The following ENO1 variants were observed in gnomAD, a reference collection of about 807,000 sequenced individuals.
ENO1 encodes the protein alpha-enolase.
In ENO1, 33 loss-of-function variants were observed where a neutral mutation model predicts 46.3. The observed-to-expected ratio is 0.71, with a 90% CI of 0.54 to 0.95. The LOEUF (loss-of-function observed/expected upper bound fraction) is 0.95. ENO1 is among the 40% of genes least tolerant of loss of function. The pLI, the probability that ENO1 is intolerant of heterozygous loss-of-function variation, is 0.00. For synonymous variants in ENO1, 220 were observed against 216.0 expected (o/e 1.02, Z -0.16); for missense variants, 488 against 553.3 (o/e 0.88, Z 1.18).
intron 3 of ENO1, 157 bp downstream of exon 3, chr1:8,871,733 CA>C: frequency 8.0e-7 from 1 of 1,253,248 alleles, no homozygotes; most frequent in East Asian, 2.5e-5. Context: ...TTCCTGTCCA[CA>C]AGGTGGTGCA....
intron 7 of ENO1, 54 bp downstream of exon 7, chr1:8,866,225 G>GC: frequency 7.1e-7 from 1 of 1,404,364 alleles, no homozygotes; most frequent in Admixed American, 1.8e-5. Context: ...CCCCCCAACA[G>GC]AGGGAGCTGG....
chr1:8,876,620 G>C (rs1213793082), intron 1 of ENO1, among the ~76,000 whole-genome samples: 1 of 152,006 alleles, frequency 6.6e-6, no homozygotes, highest in Non-Finnish European at 1.5e-5. Flanking sequence ...AGTCTTGGCC[G>C]GGCGCGGTGG....
chr1:8,865,134 A>C (rs1380447810), intron 8 of ENO1, 151 bp downstream of exon 8: 2 of 937,314 alleles, frequency 2.1e-6, no homozygotes, highest in Non-Finnish European at 3.2e-6. Context: ...AACTGGGGGC[A>C]AACCCAGTGG....
In ENO1 at chr1:8,867,235, T is replaced by C; in HGVS notation, c.326A>G (p.Asn109Ser). ...GTENKSKFGA[N>S]AILGVSLAVC... is the part of the protein sequence containing the mutation. Reference sequence around the variant, plus strand: ...GGCAAGGGACACCCCCAGAATGGCGTTCGCACCAAACTTAGCTAGAACAGA... The same window carrying C: ...GGCAAGGGACACCCCCAGAATGGCGCTCGCACCAAACTTAGCTAGAACAGA... The change falls in exon 6 of 12, where the codon AAC becomes AGC. Residue 109 changes from asparagine (N) to serine (S), a missense_variant. Coordinates refer to ENST00000234590, the MANE Select transcript of ENO1 (RefSeq NM_001428.5). 2 of 1,614,140 alleles carry C rather than the reference T, an allele frequency of 1.2e-6. No homozygotes were observed. The highest frequency in any genetic ancestry group is 1.7e-6 in the Non-Finnish European group (2 of 1,180,022).
rs1304556803 is a variant in ENO1 at position 8,863,295 on chromosome 1, A to G, written c.1116T>C (p.Arg372=). Residue 372 remains arginine, a synonymous_variant, in exon 10 of 12, where the codon CGT becomes CGC. Coordinates refer to ENST00000234590, the MANE Select transcript of ENO1 (RefSeq NM_001428.5). ...ANGWGVMVSH[R]SGETEDTFIA... The stretch of plus-strand genomic sequence containing the variant: ...TGAAGGTATCTTCAGTCTCCCCCGA[A>G]CGATGAGACACCATGACGCCCCAAC... 1 of 1,614,084 alleles carries G rather than the reference A, an allele frequency of 6.2e-7. No individual in the cohort carries two copies. Among genetic ancestry groups the G allele is most frequent in the East Asian group, 2.2e-5 (1 of 44,894 alleles).
chr1:8,870,311 G>A (rs1226015797), intron 4 of ENO1, 141 bp downstream of exon 4: 7 of 1,071,096 alleles, frequency 6.5e-6, no homozygotes, highest in Admixed American at 5.0e-5. Flanking sequence ...TGTCATGCAT[G>A]GATTGTTCTC....
chr1:8,863,406 C>T (rs1642445695), intron 9 of ENO1, 63 bp from the exon 10 acceptor site: 2 of 1,495,156 alleles, frequency 1.3e-6, no homozygotes, highest in East Asian at 2.3e-5. Flanking sequence ...ACCCCCAATG[C>T]CATTACCCCT....
intron 4 of ENO1, 141 bp downstream of exon 4, chr1:8,870,306 TGCATG>T (rs1642602952): frequency 9.8e-7 from 1 of 1,024,782 alleles, no homozygotes; most frequent in African/African-American, 1.6e-5. Flanking sequence ...AATTATGTCA[TGCATG>T]GATTGTTCTC....
intron 8 of ENO1, 88 bp downstream of exon 8, chr1:8,865,197 T>C (rs1396869841): frequency 6.6e-7 from 1 of 1,519,706 alleles, no homozygotes; most frequent in African/African-American, 1.4e-5. Context: ...ATCCCCTCCT[T>C]GCAGCCATCA....
chr1:8,878,231 AAAGC>A lies in ENO1; in HGVS notation c.-10+345_-10+348del, dbSNP rs1642778066. 3 of 199,174 alleles carry A rather than the reference AAAGC, an allele frequency of 1.5e-5. No individual in the cohort carries two copies. The South Asian group carries it at 2.2e-4, about 15-fold the overall frequency. 12.3% of individuals were successfully genotyped at this position (199,174 alleles called of 1,614,324 possible). A position where few individuals can be genotyped will look rare whatever the true frequency, so the allele number is the denominator to read the frequency against. ...AAACCTTACACTTGGCTACGATGGA[AAAGC>A]AACTTCCACTCCCAACTCCCGCTGT... On this transcript the variant is annotated intron_variant, in intron 1 of 11. Transcript: ENST00000234590.
At chr1:8,871,749 T>G in intron 3 of ENO1, 142 bp downstream of exon 3, 1 of 1,258,770 alleles carries the variant, frequency 7.9e-7, no homozygotes, top group South Asian at 1.4e-5. Context: ...GGTGCACTGC[T>G]TCCATCAACA....
rs1321599224 is a variant in ENO1 at position 8,865,339 on chromosome 1, T to C, written c.811A>G (p.Ile271Val). The C allele has an allele frequency of 1.2e-6, 2 of 1,614,238 alleles. No homozygotes were observed. Among genetic ancestry groups the C allele is most frequent in the East Asian group, 2.2e-5 (1 of 44,890 alleles). The change falls in exon 8 of 12, where the codon ATC becomes GTC. Residue 271 changes from isoleucine (I) to valine (V), a missense_variant. Coordinates refer to ENST00000234590, the MANE Select transcript of ENO1 (RefSeq NM_001428.5). ...AGGTCAGCCAGCTGGTCAGGCGAGA[T>C]GTACCTGCTGGGGTCATCGGGAGAC... ...FKSPDDPSRYISPDQLADLYK... is the reference protein window; with the variant it reads ...FKSPDDPSRYVSPDQLADLYK...
chr1:8,867,958 C>T (rs28999079), intron 5 of ENO1, 30 bp downstream of exon 5: 1 of 1,602,444 alleles, frequency 6.2e-7, no homozygotes, highest in Non-Finnish European at 8.5e-7. Context: ...ATGATCTTCC[C>T]CAGTAAAGAC....
chr1:8,871,194 C>G, intron 3 of ENO1: 1 of 1,068,888 alleles, frequency 9.4e-7, no homozygotes, highest in Non-Finnish European at 1.1e-6. Context: ...ACTGCGACAC[C>G]AGCCCAGTGT....
In ENO1 at chr1:8,863,912, G is replaced by A; in HGVS notation, c.1046C>T (p.Ser349Phe). The stretch of plus-strand genomic sequence containing the variant: ...TTACGCCTGAAGAGACTCGGTCACG[G>A]AGCCAATCTGGTTGACTTTGAGCAG... The part of the protein sequence containing the change: ...CLLLKVNQIG[S>F]VTESLQACKL... Residue 349 changes from serine to phenylalanine, a missense_variant, in exon 9 of 12, where the codon TCC (serine) becomes TTC (phenylalanine). By Grantham distance (155) the Ser-to-Phe change is radical. Coordinates refer to ENST00000234590, the MANE Select transcript of ENO1 (RefSeq NM_001428.5). 2 of 1,614,134 alleles carry A rather than the reference G, an allele frequency of 1.2e-6. No homozygotes were observed. The highest frequency in any genetic ancestry group is 1.7e-6 in the Non-Finnish European group (2 of 1,180,020).
intron 2 of ENO1, among the ~76,000 whole-genome samples, chr1:8,872,627 C>T (rs943696608): frequency 6.6e-6 from 1 of 152,114 alleles, no homozygotes; most frequent in African/African-American, 2.4e-5. Context: ...AGGTGATCTG[C>T]CCACCTCGGC....
intron 2 of ENO1, among the ~76,000 whole-genome samples, chr1:8,872,634 C>T (rs755564584): frequency 2.6e-4 from 40 of 152,092 alleles, no homozygotes; most frequent in South Asian, 1.5e-3. Context: ...CTGCCCACCT[C>T]GGCCTCCCAA....
intron 1 of ENO1, among the ~76,000 whole-genome samples, chr1:8,876,574 C>A (rs1344780981): frequency 1.3e-5 from 2 of 152,094 alleles, no homozygotes; most frequent in African/African-American, 4.8e-5. Flanking sequence ...TGCCTCAGTA[C>A]TTTTGTTTTC....
chr1:8,871,124 G>A, intron 3 of ENO1: 1 of 1,175,900 alleles, frequency 8.5e-7, no homozygotes, highest in Non-Finnish European at 1.0e-6. Context: ...ATGGTAACAT[G>A]TTCGTGTGTG....
Sources: gnomAD v4.1 joint callset for allele counts (sites outside exome capture counted in the v4.1 genomes callset) on GRCh38, gnomAD v4.1.1 for gene constraint, MANE v1.5 for transcripts, NCBI Gene and HGNC (gene_info 2026-07-23, HGNC 2026-07-21) for gene names.